The following HSD11B1 variants were observed in gnomAD, a reference collection of about 807,000 sequenced individuals.
The protein encoded by HSD11B1 is 11-beta-hydroxysteroid dehydrogenase 1.
In HSD11B1, 15 loss-of-function variants were observed where a neutral mutation model predicts 22.1. The ratio of observed to expected loss-of-function variants is 0.68; its 90% CI spans 0.45 to 1.04. The LOEUF (loss-of-function observed/expected upper bound fraction) is 1.04. Ranked by LOEUF, HSD11B1 falls within the 50% of genes least tolerant of loss-of-function variation. HSD11B1 has a pLI of 0.00. For synonymous variants in HSD11B1, 122 were observed against 125.2 expected (o/e 0.97, Z 0.17); for missense variants, 281 against 357.6 (o/e 0.79, Z 1.73).
At chr1:209,695,958 G>A (rs1558186479) in intron 1 of HSD11B1, among the ~76,000 whole-genome samples, 1 of 152,138 alleles carries the variant, frequency 6.6e-6, no homozygotes, top group Non-Finnish European at 1.5e-5. Flanking sequence ...AAAAAACAGG[G>A]GAAAATTCCA....
At position 209,734,395 on chromosome 1, in the gene HSD11B1, G is replaced by T; in HGVS notation, c.753G>T (p.Leu251=). The T allele has an allele frequency of 6.2e-7, 1 of 1,614,126 alleles. No individual in the cohort carries two copies. The highest frequency in any genetic ancestry group is 2.2e-5 in the East Asian group (1 of 44,882). The part of the protein sequence containing the change: ...CALEIIKGGA[L]RQEEVYYDSS... ...TGGAGATCATCAAAGGGGGAGCTCTGCGCCAAGAAGAAGTGTATTATGACA... is the reference window on the plus strand; with the variant it reads ...TGGAGATCATCAAAGGGGGAGCTCTTCGCCAAGAAGAAGTGTATTATGACA... The change falls in exon 6 of 6, where the codon CTG becomes CTT. Residue 251 remains leucine, a synonymous_variant. Coordinates refer to ENST00000367027, the MANE Select transcript of HSD11B1 (RefSeq NM_005525.4).
intron 4 of HSD11B1, among the ~76,000 whole-genome samples, chr1:209,730,247 T>C (rs183702359): frequency 6.6e-6 from 1 of 152,352 alleles, no homozygotes; most frequent in East Asian, 1.9e-4. Flanking sequence ...TTAGGGCTGC[T>C]TTTGGTGGAC....
At chr1:209,715,008 C>T (rs1038008156) in intron 4 of HSD11B1, among the ~76,000 whole-genome samples, 3 of 152,160 alleles carry the variant, frequency 2.0e-5, no homozygotes, top group African/African-American at 4.8e-5. Flanking sequence ...AGAGGGCCTG[C>T]CATGGGCAGC....
intron 4 of HSD11B1, among the ~76,000 whole-genome samples, chr1:209,728,884 C>T (rs2077019070): frequency 6.6e-6 from 1 of 152,172 alleles, no homozygotes; most frequent in Non-Finnish European, 1.5e-5. Context: ...CATGGCCATT[C>T]CTGTATCAAT....
At chr1:209,689,964 C>T (rs2076749593) in intron 1 of HSD11B1, among the ~76,000 whole-genome samples, 1 of 152,096 alleles carries the variant, frequency 6.6e-6, no homozygotes, top group South Asian at 2.1e-4. Context: ...ATCAATATCC[C>T]CCAGAGATAA....
chr1:209,732,406 A>T lies in HSD11B1; in HGVS notation c.518-30A>T, dbSNP rs1398086238. Reference sequence around the variant, plus strand: ...GTAAGAAGGTGAAATGGGCAGCCTTATTAACCCATTTCTTTAATCTGTCAT... The same window carrying T: ...GTAAGAAGGTGAAATGGGCAGCCTTTTTAACCCATTTCTTTAATCTGTCAT... On this transcript the variant is annotated intron_variant, in intron 4 of 5. Coordinates refer to ENST00000367027, the MANE Select transcript of HSD11B1 (RefSeq NM_005525.4). 5.6e-6 allele frequency: 9 copies of T among 1,613,664 alleles called. No homozygotes were observed. In the African/African-American group the frequency reaches 1.1e-4, roughly 19 times the overall value.
rs201793934 is a variant in HSD11B1 at position 209,707,166 on chromosome 1, A to G, written c.517+38A>G. On this transcript the variant is annotated intron_variant, in intron 4 of 5. Transcript: ENST00000367027. ...GGGACATATGTGGAAGGTAGAAGAA[A>G]AAAAAAAATGCCAGGGATGATGCCA... 3.1e-5 allele frequency: 48 copies of G among 1,546,150 alleles called. No homozygotes were observed. The African/African-American group carries it at 5.9e-4, about 19-fold the overall frequency.
intron 4 of HSD11B1, among the ~76,000 whole-genome samples, chr1:209,710,485 G>A (rs1057117550): frequency 2.6e-5 from 4 of 152,152 alleles, no homozygotes; most frequent in African/African-American, 7.2e-5. Context: ...CCATTTCAAT[G>A]TTTCTTCTTT....
chr1:209,734,300 A>G lies in HSD11B1; in HGVS notation c.662-4A>G, dbSNP rs1416477370. ...AACCCTACTCTTCCCTTGTCATTCT[A>G]TAGAAACAGCCATGAAGGCAGTTTC... On this transcript the variant is annotated splice_polypyrimidine_tract_variant and splice_region_variant and intron_variant, in intron 5 of 5. Coordinates refer to ENST00000367027, the MANE Select transcript of HSD11B1 (RefSeq NM_005525.4). 4 of 1,610,590 alleles carry G rather than the reference A, an allele frequency of 2.5e-6. No individual in the cohort carries two copies. The highest frequency in any genetic ancestry group is 1.1e-5 in the South Asian group (1 of 91,006).
chr1:209,709,025 C>T (rs1027674168), intron 4 of HSD11B1, among the ~76,000 whole-genome samples: 8 of 152,182 alleles, frequency 5.3e-5, no homozygotes, highest in African/African-American at 1.9e-4. Context: ...ATATTCTCTG[C>T]TTTATGATGT....
At chr1:209,710,819 A>G (rs1325619058) in intron 4 of HSD11B1, among the ~76,000 whole-genome samples, 1 of 152,244 alleles carries the variant, frequency 6.6e-6, no homozygotes, top group Non-Finnish European at 1.5e-5. Flanking sequence ...AAGCTCCATA[A>G]GTGTCTCCAG....
At chr1:209,699,878 A>G (rs1240110740), upstream of HSD11B1, among the ~76,000 whole-genome samples, 2 of 152,212 alleles carry the variant, frequency 1.3e-5, no homozygotes, top group Non-Finnish European at 2.9e-5. Flanking sequence ...GGGCCCATGC[A>G]AGTCTAAAAT....
At chr1:209,708,637 C>G (rs2076875560) in intron 4 of HSD11B1, among the ~76,000 whole-genome samples, 1 of 152,198 alleles carries the variant, frequency 6.6e-6, no homozygotes, top group Non-Finnish European at 1.5e-5. Context: ...ATCCTCACAT[C>G]AGTCATGATG....
chr1:209,699,375 G>A (rs2076812606), intron 1 of HSD11B1, among the ~76,000 whole-genome samples: 1 of 152,176 alleles, frequency 6.6e-6, no homozygotes, highest in Non-Finnish European at 1.5e-5. Flanking sequence ...CAGAATCATG[G>A]TGGTAGCCAC....
Position 209,707,036 on chromosome 1 carries a change from T to C in HSD11B1, c.425T>C (p.Val142Ala). 1 of 1,614,048 alleles carries C rather than the reference T, an allele frequency of 6.2e-7. No individual in the cohort carries two copies. Among genetic ancestry groups the C allele is most frequent in the South Asian group, 1.1e-5 (1 of 91,078 alleles). ...CACCATGTGCGCAAAAGCATGGAAGTCAACTTCCTCAGTTACGTGGTCCTG... is the reference window on the plus strand; with the variant it reads ...CACCATGTGCGCAAAAGCATGGAAGCCAACTTCCTCAGTTACGTGGTCCTG... ...DIHHVRKSME[V>A]NFLSYVVLTV... The change falls in exon 4 of 6, where the codon GTC becomes GCC. Residue 142 changes from valine to alanine, a missense_variant. By Grantham distance (64) the Val-to-Ala change is moderately conservative. Coordinates refer to ENST00000367027, the MANE Select transcript of HSD11B1 (RefSeq NM_005525.4).
intron 4 of HSD11B1, among the ~76,000 whole-genome samples, chr1:209,709,273 C>T (rs1207299743): frequency 1.3e-5 from 2 of 152,170 alleles, no homozygotes; most frequent in Non-Finnish European, 2.9e-5. Flanking sequence ...GAATACTATA[C>T]TTCTAATATG....
chr1:209,717,963 C>T (rs1284517126), intron 4 of HSD11B1, among the ~76,000 whole-genome samples: 1 of 150,774 alleles, frequency 6.6e-6, no homozygotes, highest in African/African-American at 2.4e-5. Context: ...AACTGAAAGT[C>T]ATTATGCTAA....
intron 1 of HSD11B1, among the ~76,000 whole-genome samples, chr1:209,697,669 G>A (rs73089418): frequency 0.046 from 6,928 of 151,984 alleles, 445 homozygotes; most frequent in African/African-American, 0.14. Flanking sequence ...TGCCTTTTTG[G>A]GCTGTTTGTG....
chr1:209,717,620 C>T (rs2076937943), intron 4 of HSD11B1, among the ~76,000 whole-genome samples: 1 of 152,038 alleles, frequency 6.6e-6, no homozygotes, highest in Non-Finnish European at 1.5e-5. Flanking sequence ...CTTTGGGAGG[C>T]CAAGGTGGAC....
Sources: allele counts gnomAD v4.1 joint callset (sites outside exome capture counted in the v4.1 genomes callset), GRCh38; gene constraint gnomAD v4.1.1; transcripts MANE v1.5; gene names NCBI Gene and HGNC (gene_info 2026-07-23, HGNC 2026-07-21).